Variants in VWC2 observed in about 807,000 individuals in gnomAD.
VWC2 encodes von Willebrand factor C domain containing 2, also known as brorin.
Under a neutral mutation model 29.8 loss-of-function variants are expected in VWC2, and 14 were observed. The ratio of observed to expected loss-of-function variants is 0.47; its 90% confidence interval spans 0.31 to 0.74. The LOEUF is 0.74. VWC2 is among the 30% of genes least tolerant of loss of function. The pLI is 0.05. For missense variants in VWC2, 457 were observed against 459.8 expected, an observed-to-expected ratio of 0.99 and a Z score of 0.05; for synonymous variants, 213 against 199.0, an observed-to-expected ratio of 1.07 and a Z score of -0.59.
intron 3 of VWC2, among the ~76,000 whole-genome samples, chr7:49,804,034 T>C (rs1175373952): frequency 6.6e-6 from 1 of 152,136 alleles, no homozygotes; most frequent in Non-Finnish European, 1.5e-5. Context: ...TGGACAGTGT[T>C]AAAACAAAGA....
intron 3 of VWC2, among the ~76,000 whole-genome samples, chr7:49,825,206 T>C (rs1789366204): frequency 6.6e-6 from 1 of 152,220 alleles, no homozygotes; most frequent in African/African-American, 2.4e-5. Flanking sequence ...AAAATCATTT[T>C]TATAGTTTTC....
intron 3 of VWC2, among the ~76,000 whole-genome samples, chr7:49,848,315 G>T (rs554233995): frequency 2.0e-5 from 3 of 152,326 alleles, no homozygotes; most frequent in Non-Finnish European, 2.9e-5. Context: ...GGTCTTTCCA[G>T]GATCTTCTCT....
intron 3 of VWC2, among the ~76,000 whole-genome samples, chr7:49,902,622 C>G (rs1792828647): frequency 1.3e-5 from 2 of 149,376 alleles, no homozygotes; most frequent in Non-Finnish European, 3.0e-5. Context: ...CAGAATGGAT[C>G]ATAGATTTAA....
intron 3 of VWC2, among the ~76,000 whole-genome samples, chr7:49,910,336 G>T (rs936570008): frequency 5.3e-5 from 8 of 152,142 alleles, no homozygotes; most frequent in African/African-American, 1.9e-4. Flanking sequence ...TTAAAATTTT[G>T]CAGATGGACC....
chr7:49,856,808 G>A (rs1790435920), intron 3 of VWC2, among the ~76,000 whole-genome samples: 1 of 151,938 alleles, frequency 6.6e-6, no homozygotes, highest in African/African-American at 2.4e-5. Context: ...AGGAGATCGA[G>A]ACCATCCTGG....
intron 3 of VWC2, among the ~76,000 whole-genome samples, chr7:49,847,824 C>G (rs977749258): frequency 7.9e-5 from 12 of 152,102 alleles, no homozygotes; most frequent in Non-Finnish European, 1.2e-4. Flanking sequence ...GACAGTGGCT[C>G]TCAGTGTGAA....
intron 3 of VWC2, among the ~76,000 whole-genome samples, chr7:49,863,368 T>A (rs1790740431): frequency 6.6e-6 from 1 of 152,206 alleles, no homozygotes; most frequent in South Asian, 2.1e-4. Context: ...AGCTAAAGAT[T>A]TGTCAGTTTT....
intron 3 of VWC2, among the ~76,000 whole-genome samples, chr7:49,844,717 A>C (rs921510530): frequency 6.6e-6 from 1 of 151,770 alleles, no homozygotes; most frequent in African/African-American, 2.4e-5. Flanking sequence ...TTTGAGACGG[A>C]GTTTGGCTCT....
At chr7:49,803,493 G>A (rs1249110886) in intron 3 of VWC2, among the ~76,000 whole-genome samples, 2 of 152,216 alleles carry the variant, frequency 1.3e-5, no homozygotes, top group African/African-American at 2.4e-5. Flanking sequence ...GGCCCGGAGG[G>A]CAGTTTGACA....
At chr7:49,886,051 G>A (rs2128728724) in intron 3 of VWC2, among the ~76,000 whole-genome samples, 1 of 152,356 alleles carries the variant, frequency 6.6e-6, no homozygotes, top group South Asian at 2.1e-4. Context: ...AAAGCAGTGT[G>A]TGCAAGAGCC....
chr7:49,830,749 A>G (rs991254651), intron 3 of VWC2, among the ~76,000 whole-genome samples: 3 of 151,834 alleles, frequency 2.0e-5, no homozygotes, highest in Admixed American at 2.0e-4. Flanking sequence ...ATTCCCACCT[A>G]TGAGTGAGAA....
Position 49,892,031 on chromosome 7 carries a change from ATTTTTTTTT to A in VWC2, c.827-19980_827-19972del, listed in dbSNP as rs536880676. On this transcript the variant is annotated intron_variant, in intron 3 of 3. Transcript: ENST00000340652. The stretch of plus-strand genomic sequence containing the variant: ...GCAGTTGGCAGAACAGACAAAGTAG[ATTTTTTTTT>A]TTTTTTTTTTTTTTTTTTTTTTGAG... Among the ~76,000 whole-genome samples, 38 of 53,288 alleles carry A rather than the reference ATTTTTTTTT, an allele frequency of 7.1e-4. 2 individuals are homozygous for A. In the South Asian group the frequency reaches 0.016, roughly 22 times the overall value. The allele number at this position is 53,288 out of a possible 152,430, so 35.0% of individuals were successfully genotyped here.
At chr7:49,910,185 T>G (rs985791019) in intron 3 of VWC2, among the ~76,000 whole-genome samples, 11 of 152,222 alleles carry the variant, frequency 7.2e-5, no homozygotes, top group Non-Finnish European at 1.0e-4. Flanking sequence ...GGCAGCCATG[T>G]GCAGAGCTGG....
chr7:49,827,386 A>C (rs1288295745), intron 3 of VWC2, among the ~76,000 whole-genome samples: 1 of 152,102 alleles, frequency 6.6e-6, no homozygotes, highest in Non-Finnish European at 1.5e-5. Context: ...AATTCCAGGA[A>C]GTGCCTTCTT....
intron 2 of VWC2, among the ~76,000 whole-genome samples, chr7:49,786,955 C>T (rs1283967983): frequency 2.0e-5 from 3 of 152,158 alleles, no homozygotes; most frequent in Non-Finnish European, 4.4e-5. Context: ...TAGATTCTTT[C>T]ACTGTGCAGA....
chr7:49,919,135 A>C lies in VWC2; in HGVS notation c.*6950A>C, dbSNP rs529761074. The C allele has an allele frequency of 6.6e-6, 1 of 151,744 alleles. No homozygotes were observed. The highest frequency in any genetic ancestry group is 2.4e-5 in the African/African-American group (1 of 41,342). 9.4% of individuals were successfully genotyped at this position (151,744 alleles called of 1,614,324 possible). ...CTATCCTACATGGGGCACAGTCAGG[A>C]CTGGAATGGATAGCTCTACCTGCTT... On this transcript the variant is annotated 3_prime_UTR_variant, in exon 4 of 4. Coordinates refer to ENST00000340652, the MANE Select transcript of VWC2 (RefSeq NM_198570.5).
intron 2 of VWC2, among the ~76,000 whole-genome samples, chr7:49,788,607 CTT>C (rs1171768130): frequency 7.0e-6 from 1 of 142,356 alleles, no homozygotes; most frequent in African/African-American, 2.8e-5. Context: ...TATCCACACT[CTT>C]ATGAGTGGTG....
At chr7:49,826,710 G>A (rs1372114509) in intron 3 of VWC2, among the ~76,000 whole-genome samples, 1 of 152,034 alleles carries the variant, frequency 6.6e-6, no homozygotes, top group Non-Finnish European at 1.5e-5. Flanking sequence ...CTACAAATCT[G>A]GTAGGAAATT....
chr7:49,893,545 CAT>C (rs1366518099), intron 3 of VWC2, among the ~76,000 whole-genome samples: 7 of 152,052 alleles, frequency 4.6e-5, no homozygotes, highest in African/African-American at 1.4e-4. Flanking sequence ...GGAAAACACA[CAT>C]GTCCACATGA....
Sources: gnomAD v4.1 joint callset for allele counts (sites outside exome capture counted in the v4.1 genomes callset) on GRCh38, gnomAD v4.1.1 for gene constraint, MANE v1.5 for transcripts, NCBI Gene and HGNC (gene_info 2026-07-23, HGNC 2026-07-21) for gene names.